Variants in UBASH3A observed in about 807,000 individuals in gnomAD.
UBASH3A encodes the protein ubiquitin associated and SH3 domain containing A, also known as ubiquitin-associated and SH3 domain-containing protein A.
In UBASH3A, 63 loss-of-function variants were observed where a neutral mutation model predicts 73.5. The ratio of observed to expected loss-of-function variants is 0.86; its 90% confidence interval spans 0.70 to 1.06. The LOEUF (loss-of-function observed/expected upper bound fraction) is 1.06, where lower values mean the gene tolerates loss of function less well. UBASH3A is among the 50% of genes least tolerant of loss of function. The pLI is 0.00. For missense variants in UBASH3A, 860 were observed against 859.0 expected (o/e 1.00, Z -0.02); for synonymous variants, 363 against 351.1 (o/e 1.03, Z -0.38).
At chr21:42,405,774 T>C (rs1315311543) in intron 1 of UBASH3A, among the ~76,000 whole-genome samples, 2 of 151,926 alleles carry the variant, frequency 1.3e-5, no homozygotes, top group East Asian at 3.9e-4. Flanking sequence ...GTTCAGGGAG[T>C]TCTTGGTCTA....
chr21:42,442,627 G>A, intron 12 of UBASH3A, 31 bp downstream of exon 12: 1 of 1,574,552 alleles, frequency 6.4e-7, no homozygotes, highest in Non-Finnish European at 8.6e-7. Context: ...CTGCCACTGG[G>A]GCTTTTCCAG....
At chr21:42,439,047 C>T (rs1180007044) in intron 11 of UBASH3A, among the ~76,000 whole-genome samples, 3 of 152,060 alleles carry the variant, frequency 2.0e-5, no homozygotes, top group Admixed American at 1.3e-4. Context: ...CCCATGTCCT[C>T]AGATCCCCTT....
chr21:42,438,725 G>C (rs934265963), intron 11 of UBASH3A, among the ~76,000 whole-genome samples: 1 of 152,178 alleles, frequency 6.6e-6, no homozygotes, highest in African/African-American at 2.4e-5. Context: ...GGTGATCTGA[G>C]TGAGGCTCAA....
intron 7 of UBASH3A, among the ~76,000 whole-genome samples, chr21:42,422,007 T>C (rs2053346288): frequency 6.6e-6 from 1 of 152,196 alleles, no homozygotes; most frequent in Admixed American, 6.5e-5. Context: ...CTTTAAGTAT[T>C]ATATTTCTTT....
In UBASH3A at chr21:42,432,142, G is replaced by A. The variant is rs151042130; in HGVS notation, c.1210G>A (p.Gly404Arg). ...ARKSVLVVRH[G>R]ERVDQIFGKA... ...GAAGAGCGTGCTGGTGGTTCGCCAC[G>A]GGGAGAGAGTGGATCAGATCTTCGG... Residue 404 changes from glycine to arginine, a missense_variant, in exon 9 of 15, where the codon GGG (glycine) becomes AGG (arginine). Physicochemically the swap from Gly to Arg is moderately radical, Grantham distance 125. Transcript: ENST00000319294. 37 of 1,613,566 alleles carry A rather than the reference G, an allele frequency of 2.3e-5. No individual in the cohort carries two copies. Among genetic ancestry groups the A allele is most frequent in the Middle Eastern group, 3.3e-4 (2 of 6,084 alleles).
Position 42,404,015 on chromosome 21 carries a change from C to T in UBASH3A, c.70C>T (p.Leu24Phe), listed in dbSNP as rs771691537. 3 of 1,526,822 alleles carry T rather than the reference C, an allele frequency of 2.0e-6. No individual in the cohort carries two copies. In the East Asian group the frequency reaches 7.7e-5, roughly 39 times the overall value. 94.6% of individuals were successfully genotyped at this position (1,526,822 alleles called of 1,614,324 possible). A position where few individuals can be genotyped will look rare whatever the true frequency, so the allele number is the denominator to read the frequency against. Residue 24 changes from leucine to phenylalanine, a missense_variant, in exon 1 of 15, where the codon CTC (leucine) becomes TTC (phenylalanine). Leu to Phe is a conservative substitution (Grantham distance 22). Transcript: ENST00000319294. ...NKLKSRSSPS[L>F]LEPLLAMGFP... ...GCTCAAGAGCCGCAGCAGCCCCTCGCTCCTGGAGCCCCTCCTGGCCATGGG... is the reference window on the plus strand; with the variant it reads ...GCTCAAGAGCCGCAGCAGCCCCTCGTTCCTGGAGCCCCTCCTGGCCATGGG...
intron 10 of UBASH3A, among the ~76,000 whole-genome samples, chr21:42,436,574 ATCAC>A (rs1001177715): frequency 1.3e-4 from 20 of 152,210 alleles, no homozygotes; most frequent in Non-Finnish European, 2.6e-4. Context: ...ATTTTAACTT[ATCAC>A]TCTGTAAAAA....
chr21:42,423,381 C>T (rs1056338648), intron 7 of UBASH3A, among the ~76,000 whole-genome samples: 2 of 152,198 alleles, frequency 1.3e-5, no homozygotes, highest in African/African-American at 4.8e-5. Context: ...TGAGAAGACT[C>T]GGGCCCAGGA....
intron 7 of UBASH3A, among the ~76,000 whole-genome samples, chr21:42,425,349 C>A (rs1009309387): frequency 2.6e-5 from 4 of 152,248 alleles, no homozygotes; most frequent in Non-Finnish European, 5.9e-5. Context: ...TCACAGATGT[C>A]ATCAGTTGAT....
intron 5 of UBASH3A, among the ~76,000 whole-genome samples, chr21:42,414,055 T>G (rs1202299932): frequency 6.6e-6 from 1 of 152,232 alleles, no homozygotes; most frequent in African/African-American, 2.4e-5. Context: ...GCTCTCACTC[T>G]TCAAGAACAA....
intron 5 of UBASH3A, among the ~76,000 whole-genome samples, chr21:42,415,002 A>T (rs1255511424): frequency 6.6e-6 from 1 of 152,018 alleles, no homozygotes; most frequent in Non-Finnish European, 1.5e-5. Flanking sequence ...CTGCCCTTCC[A>T]TGGCCCATGC....
intron 14 of UBASH3A, among the ~76,000 whole-genome samples, chr21:42,446,583 T>C (rs2053847560): frequency 6.6e-6 from 1 of 152,236 alleles, no homozygotes. Context: ...ACACATCCAT[T>C]TCACAGATGA....
intron 1 of UBASH3A, among the ~76,000 whole-genome samples, chr21:42,404,568 T>C (rs1007143319): frequency 6.6e-6 from 1 of 152,132 alleles, no homozygotes; most frequent in African/African-American, 2.4e-5. Context: ...TTTTGGGGGT[T>C]TGGAGGAGAT....
At chr21:42,433,873 G>A (rs1601593584) in intron 9 of UBASH3A, among the ~76,000 whole-genome samples, 1 of 152,204 alleles carries the variant, frequency 6.6e-6, no homozygotes, top group Middle Eastern at 3.4e-3. Context: ...CAGGATGAAG[G>A]GGCCTGGCAT....
At chr21:42,435,695 TGTTATAGA>T (rs1357053497) in intron 10 of UBASH3A, among the ~76,000 whole-genome samples, 2 of 151,796 alleles carry the variant, frequency 1.3e-5, no homozygotes, top group Non-Finnish European at 2.9e-5. Context: ...GTTATAGAGT[TGTTATAGA>T]GTTATAGAAT....
At chr21:42,416,108 G>A (rs917656010) in intron 5 of UBASH3A, among the ~76,000 whole-genome samples, 2 of 151,996 alleles carry the variant, frequency 1.3e-5, no homozygotes, top group South Asian at 2.1e-4. Context: ...ACTGGAGCTC[G>A]GGCCTGCAAG....
In UBASH3A at chr21:42,419,914, G is replaced by A. The variant is rs147507630; in HGVS notation, c.1046+1305G>A. Among the ~76,000 whole-genome samples, 118 of 152,274 alleles carry A rather than the reference G, an allele frequency of 7.7e-4. No individual in the cohort carries two copies. In the East Asian group the frequency reaches 0.015, roughly 20 times the overall value. ...ATAGGCTACTGTAAGTGTTCTGAGC[G>A]TGTTTAAGGTAAGCTAGGCCAAGCT... On this transcript the variant is annotated intron_variant, in intron 7 of 14. Transcript: ENST00000319294.
intron 11 of UBASH3A, among the ~76,000 whole-genome samples, chr21:42,440,145 C>T (rs1464124721): frequency 1.3e-5 from 2 of 152,226 alleles, no homozygotes; most frequent in African/African-American, 2.4e-5. Context: ...GACAGGGTCC[C>T]GCGATGTCCG....
At chr21:42,437,639 GGGGAGTGGGAA>G in intron 11 of UBASH3A, 59 bp downstream of exon 11, 1 of 1,483,130 alleles carries the variant, frequency 6.7e-7, no homozygotes, top group Non-Finnish European at 9.4e-7. Flanking sequence ...TATTCTCCAA[GGGGAGTGGGAA>G]GGGAGTGGAG....
Sources: allele counts gnomAD v4.1 joint callset (sites outside exome capture counted in the v4.1 genomes callset), GRCh38; gene constraint gnomAD v4.1.1; transcripts MANE v1.5; gene names NCBI Gene and HGNC (gene_info 2026-07-23, HGNC 2026-07-21).